THRAP3: variants seen among roughly 807,000 people sequenced by gnomAD.
THRAP3 encodes thyroid hormone receptor associated protein 3.
THRAP3 carries 16 observed loss-of-function variants against 101.0 expected under a neutral mutation model. The ratio of observed to expected loss-of-function variants is 0.16; its 90% CI spans 0.11 to 0.24. THRAP3 has a LOEUF of 0.24. Among genes scored for constraint, THRAP3 ranks in the 10% least tolerant of loss-of-function variants. THRAP3 has a pLI of 1.00. For missense variants in THRAP3, 989 were observed against 1,202.7 expected (o/e 0.82, Z 2.63); for synonymous variants, 407 against 422.6 (o/e 0.96, Z 0.45).
intron 2 of THRAP3, among the ~76,000 whole-genome samples, chr1:36,260,561 G>T (rs751902192): frequency 2.6e-5 from 4 of 152,148 alleles, no homozygotes; most frequent in Non-Finnish European, 4.4e-5. Context: ...CCTGGCTCAC[G>T]CCTGTAATCT....
chr1:36,255,890 G>A (rs1216140103), intron 1 of THRAP3, among the ~76,000 whole-genome samples: 1 of 152,146 alleles, frequency 6.6e-6, no homozygotes, highest in Non-Finnish European at 1.5e-5. Context: ...TAGAATGTTA[G>A]CGTTTACCCT....
chr1:36,300,496 TGATAA>T (rs746018118), intron 9 of THRAP3, among the ~76,000 whole-genome samples: 4 of 152,232 alleles, frequency 2.6e-5, no homozygotes, highest in Non-Finnish European at 5.9e-5. Flanking sequence ...CACTAACAGA[TGATAA>T]TATACAAAGC....
chr1:36,277,307 G>C (rs192871475), intron 2 of THRAP3, among the ~76,000 whole-genome samples: 1 of 150,726 alleles, frequency 6.6e-6, no homozygotes, highest in East Asian at 2.0e-4. Flanking sequence ...ATGGAGTCTT[G>C]CTCTGTCACC....
chr1:36,223,225 A>T (rs1326339337), upstream of THRAP3, among the ~76,000 whole-genome samples: 1 of 152,240 alleles, frequency 6.6e-6, no homozygotes, highest in South Asian at 2.1e-4. Context: ...CAAAGAAGGA[A>T]GAAAGAGTAA....
chr1:36,215,980 C>T, the THRAP3 span, among the ~76,000 whole-genome samples: 1 of 151,926 alleles, frequency 6.6e-6, no homozygotes, highest in Non-Finnish European at 1.5e-5. Flanking sequence ...AACTCCCGAC[C>T]TCAGGTGATC....
At chr1:36,230,280 G>A (rs544468860) in intron 1 of THRAP3, among the ~76,000 whole-genome samples, 59 of 150,754 alleles carry the variant, frequency 3.9e-4, no homozygotes, top group Middle Eastern at 3.5e-3. Flanking sequence ...CACCATGCCC[G>A]GCTAATTTTG....
At chr1:36,243,309 A>G (rs1409228829) in intron 1 of THRAP3, among the ~76,000 whole-genome samples, 2 of 151,702 alleles carry the variant, frequency 1.3e-5, no homozygotes, top group Non-Finnish European at 2.9e-5. Flanking sequence ...CAAGTGAACA[A>G]AGGTCTCTAG....
chr1:36,231,820 T>C (rs1645031061), intron 1 of THRAP3, among the ~76,000 whole-genome samples: 1 of 152,202 alleles, frequency 6.6e-6, no homozygotes, highest in South Asian at 2.1e-4. Flanking sequence ...TCTTGACTAA[T>C]TCCTTTGGCT....
chr1:36,213,942 A>G, the THRAP3 span, among the ~76,000 whole-genome samples: 1 of 126,562 alleles, frequency 7.9e-6, no homozygotes, highest in African/African-American at 3.5e-5. Context: ...AAAGAAAGAA[A>G]GAAAGAAAGA....
At chr1:36,285,517 A>G (rs1645784216) in intron 3 of THRAP3, among the ~76,000 whole-genome samples, 1 of 152,180 alleles carries the variant, frequency 6.6e-6, no homozygotes, top group Non-Finnish European at 1.5e-5. Flanking sequence ...GCTCTACCAG[A>G]GTTATATATT....
At chr1:36,297,404 A>G (rs1645966479) in intron 9 of THRAP3, among the ~76,000 whole-genome samples, 1 of 151,540 alleles carries the variant, frequency 6.6e-6, no homozygotes, top group Non-Finnish European at 1.5e-5. Context: ...TTCTGGTAAG[A>G]AGCAACACTT....
At chr1:36,249,497 T>C (rs1645272341) in intron 1 of THRAP3, among the ~76,000 whole-genome samples, 1 of 152,094 alleles carries the variant, frequency 6.6e-6, no homozygotes. Context: ...AGCCCCACAG[T>C]CCCTATTCTT....
intron 1 of THRAP3, among the ~76,000 whole-genome samples, chr1:36,244,056 G>A (rs1261767004): frequency 6.6e-6 from 1 of 152,078 alleles, no homozygotes; most frequent in Non-Finnish European, 1.5e-5. Flanking sequence ...CGGGGCGGCT[G>A]GCCGGGCAGA....
In THRAP3 at chr1:36,286,055, G is replaced by A. The variant is rs1570326843; in HGVS notation, c.138-313G>A. Among the ~76,000 whole-genome samples the A allele has an allele frequency of 6.6e-6, 1 of 152,150 alleles. No individual in the cohort carries two copies. The highest frequency in any genetic ancestry group is 2.4e-5 in the African/African-American group (1 of 41,432). ...GCTATTATTATGGTATATTAAAATG[G>A]TCTTTGTGTGGTTTACTACCTTAAG... On this transcript the variant is annotated intron_variant, in intron 3 of 11. Coordinates refer to ENST00000354618, the MANE Select transcript of THRAP3 (RefSeq NM_005119.4). The surrounding 1 kb of genome is among the most constrained non-coding windows in gnomAD (Gnocchi z 5.5).
At chr1:36,265,459 CTTTTTTTT>C (rs60539096) in intron 2 of THRAP3, among the ~76,000 whole-genome samples, 10 of 104,842 alleles carry the variant, frequency 9.5e-5, no homozygotes, top group East Asian at 2.8e-4. Context: ...AGACAGGAAA[CTTTTTTTT>C]TTTTTTTTTT....
At chr1:36,290,461 T>C (rs1284397398) in intron 5 of THRAP3, among the ~76,000 whole-genome samples, 1 of 150,894 alleles carries the variant, frequency 6.6e-6, no homozygotes, top group Non-Finnish European at 1.5e-5. Context: ...AGTGCTGGGA[T>C]TACAGGCGTG....
intron 1 of THRAP3, among the ~76,000 whole-genome samples, chr1:36,254,711 C>G (rs1645350718): frequency 1.3e-5 from 2 of 152,078 alleles, no homozygotes; most frequent in Admixed American, 1.3e-4. Flanking sequence ...ATTTCCCCAG[C>G]CCAGCAGCTA....
chr1:36,239,077 G>A (rs985429592), intron 1 of THRAP3, among the ~76,000 whole-genome samples: 10 of 151,558 alleles, frequency 6.6e-5, no homozygotes, highest in Admixed American at 2.0e-4. Flanking sequence ...GGGAGTACAG[G>A]TGCCCACAAC....
the THRAP3 span, among the ~76,000 whole-genome samples, chr1:36,212,421 T>TC: frequency 6.9e-6 from 1 of 145,270 alleles, no homozygotes; most frequent in South Asian, 2.2e-4. Context: ...TTTCTTTCTT[T>TC]TTTTTTTTTT....
Sources: allele counts gnomAD v4.1 joint callset (sites outside exome capture counted in the v4.1 genomes callset), GRCh38; gene constraint gnomAD v4.1.1; non-coding constraint Gnocchi (gnomAD v3.1); transcripts MANE v1.5; gene names NCBI Gene and HGNC (gene_info 2026-07-23, HGNC 2026-07-21).